The following RINL variants were observed in gnomAD, a reference collection of about 807,000 sequenced individuals.
The protein encoded by RINL is Ras and Rab interactor like.
In RINL, 39 loss-of-function variants were observed where a neutral mutation model predicts 58.1. That is an observed-to-expected ratio of 0.67 (90% confidence interval 0.52 to 0.88). RINL has a LOEUF of 0.88. RINL is among the 40% of genes least tolerant of loss of function. The pLI, the probability that RINL is intolerant of heterozygous loss-of-function variation, is 0.00. For synonymous variants in RINL, 286 were observed against 323.1 expected (o/e 0.89, Z 1.23); for missense variants, 711 against 749.2 (o/e 0.95, Z 0.60).
chr19:38,868,588 A>C lies in RINL; in HGVS notation c.*516T>G, dbSNP rs1972723078. ...GTTAAGGCTGCAGTGAGCCGAGATC[A>C]TGCCACTACACTCCAGCCTGGGCAA... On this transcript the variant is annotated 3_prime_UTR_variant, in exon 12 of 12. Transcript: ENST00000591812. 6.6e-6 allele frequency: 1 copy of C among 152,338 alleles called. No homozygotes were observed. The highest frequency in any genetic ancestry group is 6.6e-5 in the Admixed American group (1 of 15,266). The allele number at this position is 152,338 out of a possible 1,614,324, so 9.4% of individuals were successfully genotyped here. A position where few individuals can be genotyped will look rare whatever the true frequency, so the allele number is the denominator to read the frequency against.
At chr19:38,875,089 C>T (rs896476178) in intron 3 of RINL, among the ~76,000 whole-genome samples, 2 of 150,752 alleles carry the variant, frequency 1.3e-5, no homozygotes, top group African/African-American at 4.9e-5. Context: ...GAGCCAATAT[C>T]GTGCCACTGC....
chr19:38,877,485 C>A (rs1972960836), intron 1 of RINL, among the ~76,000 whole-genome samples: 1 of 152,170 alleles, frequency 6.6e-6, no homozygotes, highest in African/African-American at 2.4e-5. Context: ...TCCTCCCTTC[C>A]CACACCATGG....
At position 38,870,230 on chromosome 19, in the gene RINL, G is replaced by C; in HGVS notation, c.1055C>G (p.Ala352Gly). ...GPALETAVCQAVLAPLKPALW... is the reference protein window; with the variant it reads ...GPALETAVCQGVLAPLKPALW... ...GGCCGGCTTCAGGGGCGCCAGCACC[G>C]CCTGGCACACCGCCGTCTCCAGCGC... is the stretch of plus-strand genomic sequence containing the variant. The change falls in exon 9 of 12, where the codon GCG becomes GGG. Residue 352 changes from alanine (A) to glycine (G), a missense_variant. By Grantham distance (60) the Ala-to-Gly change is moderately conservative. Coordinates refer to ENST00000591812, the MANE Select transcript of RINL (RefSeq NM_001195833.2). This position sits in a 1 kb window ranked among gnomAD's most constrained non-coding sequence, Gnocchi z 5.8. 1 of 1,384,948 alleles carries C rather than the reference G, an allele frequency of 7.2e-7. No homozygotes were observed. Among genetic ancestry groups the C allele is most frequent in the South Asian group, 1.6e-5 (1 of 61,290 alleles). The allele number at this position is 1,384,948 out of a possible 1,614,324, so 85.8% of individuals were successfully genotyped here. A position where few individuals can be genotyped will look rare whatever the true frequency, so the allele number is the denominator to read the frequency against.
chr19:38,871,867 A>T lies in RINL; in HGVS notation c.317T>A (p.Val106Glu). ...TYQIQKIPRG[V>E]SLESSNLCMP... ...GCAGAGGTTGGAGGATTCCAGGGAC[A>T]CACCTGTGGTGGGGGGAGGAAGAAG... The change falls in exon 5 of 12, where the codon GTG becomes GAG. Residue 106 changes from valine to glutamate, a missense_variant. By Grantham distance (121) the Val-to-Glu change is moderately radical. Coordinates refer to ENST00000591812, the MANE Select transcript of RINL (RefSeq NM_001195833.2). 6.2e-7 allele frequency: 1 copy of T among 1,613,618 alleles called. No homozygotes were observed.
intron 4 of RINL, among the ~76,000 whole-genome samples, chr19:38,873,297 G>C (rs896810321): frequency 2.0e-5 from 3 of 151,192 alleles, no homozygotes; most frequent in Non-Finnish European, 3.0e-5. Context: ...AGGGGCAATA[G>C]ATAGAGAGAC....
chr19:38,871,832 G>A lies in RINL; in HGVS notation c.352C>T (p.Leu118=). The A allele has an allele frequency of 6.2e-7, 1 of 1,614,176 alleles. No homozygotes were observed. Among genetic ancestry groups the A allele is most frequent in the Non-Finnish European group, 8.5e-7 (1 of 1,180,002 alleles). Residue 118 remains leucine, a synonymous_variant, in exon 5 of 12, where the codon CTG becomes TTG. Transcript: ENST00000591812. Reference sequence around the variant, plus strand: ...GATAGAAAGGCCAGGAGATGGGGCAGGTCTGGCATGCAGAGGTTGGAGGAT... The same window carrying A: ...GATAGAAAGGCCAGGAGATGGGGCAAGTCTGGCATGCAGAGGTTGGAGGAT... The part of the protein sequence containing the change: ...LESSNLCMPD[L]PHLLAFLSAS...
In RINL at chr19:38,870,835, T is replaced by C; in HGVS notation, c.759A>G (p.Glu253=). Reference sequence around the variant, plus strand: ...GAATGGTGAGCACGTCCTCAGGGCCTTCCTCTTCAGGGTCGTCCTCCCTTC... The same window carrying C: ...GAATGGTGAGCACGTCCTCAGGGCCCTCCTCTTCAGGGTCGTCCTCCCTTC... The part of the protein sequence containing the change: ...EEGREDDPEE[E]GPEDVLTIHV... The change falls in exon 8 of 12, where the codon GAA becomes GAG. Residue 253 remains glutamate, a synonymous_variant. Transcript: ENST00000591812. This position sits in a 1 kb window ranked among gnomAD's most constrained non-coding sequence, Gnocchi z 5.8. 2.5e-6 allele frequency: 4 copies of C among 1,609,028 alleles called. No homozygotes were observed. The South Asian group carries it at 4.4e-5, about 18-fold the overall frequency.
chr19:38,871,342 G>C, intron 6 of RINL, 115 bp from the exon 7 acceptor site: 1 of 1,191,946 alleles, frequency 8.4e-7, no homozygotes, highest in Non-Finnish European at 1.2e-6. Flanking sequence ...CTGAGGCTTA[G>C]CTCCTGGCCC....
At chr19:38,875,109 T>G (rs1381271008) in intron 3 of RINL, among the ~76,000 whole-genome samples, 2 of 151,892 alleles carry the variant, frequency 1.3e-5, no homozygotes, top group East Asian at 3.9e-4. Flanking sequence ...CACTCCAGCT[T>G]GGGTGACAGA....
In RINL at chr19:38,869,131, C is replaced by G. The variant is rs1351317812; in HGVS notation, c.1674G>C (p.Glu558Asp). The G allele has an allele frequency of 3.1e-6, 5 of 1,610,990 alleles. No individual in the cohort carries two copies. The South Asian group carries it at 4.4e-5, about 14-fold the overall frequency. ...NLPFKEPWAE[E>D]TVTGTSDN The stretch of plus-strand genomic sequence containing the variant: ...AGTTGTCACTGGTCCCTGTCACAGT[C>G]TCTTCTGCCCATGGCTCCTTAAAGG... The change falls in exon 12 of 12, where the codon GAG becomes GAC. Residue 558 changes from glutamate to aspartate, a missense_variant. By Grantham distance (45) the Glu-to-Asp change is conservative. Coordinates refer to ENST00000591812, the MANE Select transcript of RINL (RefSeq NM_001195833.2). This position sits in a 1 kb window ranked among gnomAD's most constrained non-coding sequence, Gnocchi z 5.7.
rs1972729493 is a variant in RINL, at chr19:38,868,907, G to A, written c.*197C>T. 8 of 536,854 alleles carry A rather than the reference G, an allele frequency of 1.5e-5. No homozygotes were observed. In the East Asian group the frequency reaches 2.4e-4, roughly 16 times the overall value. 33.3% of individuals were successfully genotyped at this position (536,854 alleles called of 1,614,324 possible). ...TTCTCTGATACGCCTGTCTAAAACT[G>A]CAAAGCCTCCTGAGTAGCTGGTACC... On this transcript the variant is annotated 3_prime_UTR_variant, in exon 12 of 12. Coordinates refer to ENST00000591812, the MANE Select transcript of RINL (RefSeq NM_001195833.2).
At position 38,870,936 on chromosome 19, in the gene RINL, C is replaced by G; in HGVS notation, c.658G>C (p.Glu220Gln). The change falls in exon 8 of 12, where the codon GAA (glutamate) becomes CAA (glutamine). Residue 220 changes from glutamate to glutamine, a missense_variant. By Grantham distance (29) the Glu-to-Gln change is conservative. Transcript: ENST00000591812. This position sits in a 1 kb window ranked among gnomAD's most constrained non-coding sequence, Gnocchi z 5.8. ...VSWVKGPLSP[E>Q]VDHPGPALAS... ...AGAGCCGGCCCAGGATGGTCCACTTCCGGGCTGAGCGGGCCTTTCACCCAG... is the reference window on the plus strand; with the variant it reads ...AGAGCCGGCCCAGGATGGTCCACTTGCGGGCTGAGCGGGCCTTTCACCCAG... The G allele has an allele frequency of 6.2e-7, 1 of 1,605,464 alleles. No homozygotes were observed. The highest frequency in any genetic ancestry group is 8.5e-7 in the Non-Finnish European group (1 of 1,179,760).
intron 4 of RINL, among the ~76,000 whole-genome samples, 167 bp from the exon 5 acceptor site, chr19:38,872,037 T>C (rs113575368): frequency 6.6e-6 from 1 of 152,200 alleles, no homozygotes; most frequent in African/African-American, 2.4e-5. Context: ...GTACCACTTA[T>C]GCCACCAACA....
In RINL at chr19:38,871,787, G is replaced by T. The variant is rs374973760; in HGVS notation, c.386+11C>A. 1 of 1,613,954 alleles carries T rather than the reference G, an allele frequency of 6.2e-7. No individual in the cohort carries two copies. Among genetic ancestry groups the T allele is most frequent in the African/African-American group, 1.3e-5 (1 of 75,034 alleles). On this transcript the variant is annotated intron_variant, in intron 5 of 11. Coordinates refer to ENST00000591812, the MANE Select transcript of RINL (RefSeq NM_001195833.2). Reference sequence around the variant, plus strand: ...GGGTCCCCCTTAGTGCCTCAGATGGGTGACCTGTACCTGCTGGCTGATAGA... The same window carrying T: ...GGGTCCCCCTTAGTGCCTCAGATGGTTGACCTGTACCTGCTGGCTGATAGA...
Position 38,870,819 on chromosome 19 carries a change from G to T in RINL, c.775C>A (p.Leu259Ile). 6.2e-7 allele frequency: 1 copy of T among 1,610,772 alleles called. No individual in the cohort carries two copies. ...DPEEEGPEDV[L>I]TIHVQSLVRA... ...ACCAGAGACTGGACGTGAATGGTGAGCACGTCCTCAGGGCCTTCCTCTTCA... is the reference window on the plus strand; with the variant it reads ...ACCAGAGACTGGACGTGAATGGTGATCACGTCCTCAGGGCCTTCCTCTTCA... The change falls in exon 8 of 12, where the codon CTC becomes ATC. Residue 259 changes from leucine to isoleucine, a missense_variant. By Grantham distance (5) the Leu-to-Ile change is conservative. Coordinates refer to ENST00000591812, the MANE Select transcript of RINL (RefSeq NM_001195833.2). The surrounding 1 kb of genome is among the most constrained non-coding windows in gnomAD (Gnocchi z 5.8).
intron 1 of RINL, among the ~76,000 whole-genome samples, chr19:38,878,013 G>C (rs1264555138): frequency 6.6e-6 from 1 of 152,228 alleles, no homozygotes; most frequent in Non-Finnish European, 1.5e-5. Context: ...TTAGGAAGGA[G>C]GGAGGTGGGC....
intron 3 of RINL, 125 bp from the exon 4 acceptor site, chr19:38,874,113 C>G: frequency 1.6e-6 from 1 of 634,264 alleles, no homozygotes. Context: ...GGGAAACCCT[C>G]TCCCTACTTT....
chr19:38,871,560 T>A, intron 6 of RINL, 87 bp downstream of exon 6: 1 of 1,231,914 alleles, frequency 8.1e-7, no homozygotes, highest in Admixed American at 1.9e-5. Context: ...TCAAACCCAG[T>A]AGTCTGGGCC....
In RINL at chr19:38,870,965, AC is replaced by A; in HGVS notation, c.628del (p.Val210SerfsTer4). 1 of 1,604,118 alleles carries A rather than the reference AC, an allele frequency of 6.2e-7. No individual in the cohort carries two copies. The highest frequency in any genetic ancestry group is 2.2e-5 in the East Asian group (1 of 44,834). On this transcript the variant is annotated frameshift_variant, in exon 8 of 12. Transcript: ENST00000591812. LOFTEE classifies it high-confidence loss of function. The surrounding 1 kb of genome is among the most constrained non-coding windows in gnomAD (Gnocchi z 5.8). Reference protein sequence around the residue: ...PAPRNPAPHGVSWVKGPLSPE... With the variant: ...PAPRNPAPHGXSWVKGPLSPE... Reference sequence around the variant, plus strand: ...GCTGAGCGGGCCTTTCACCCAGGAGACCCCGTGAGGCGCAGGGTTCCTGGGG... The same window carrying A: ...GCTGAGCGGGCCTTTCACCCAGGAGACCCGTGAGGCGCAGGGTTCCTGGGG...
Sources: allele counts gnomAD v4.1 joint callset (sites outside exome capture counted in the v4.1 genomes callset), GRCh38; gene constraint gnomAD v4.1.1; non-coding constraint Gnocchi (gnomAD v3.1); transcripts MANE v1.5; gene names NCBI Gene and HGNC (gene_info 2026-07-23, HGNC 2026-07-21).